Variants in ZGRF1 observed in about 807,000 individuals in gnomAD.
ZGRF1 encodes zinc finger GRF-type containing 1.
ZGRF1 carries 196 observed loss-of-function variants against 203.5 expected under a neutral mutation model. The observed-to-expected ratio is 0.96, with a 90% CI of 0.86 to 1.08. ZGRF1 has a LOEUF of 1.08. ZGRF1 is among the 50% of genes least tolerant of loss of function. The probability of loss-of-function intolerance (pLI) is 0.00; values close to 1 mark genes in which losing one functional copy is unlikely to be tolerated. For missense variants in ZGRF1, 2,326 were observed against 2,416.3 expected, an observed-to-expected ratio of 0.96 and a Z score of 0.78; for synonymous variants, 809 against 841.3, an observed-to-expected ratio of 0.96 and a Z score of 0.66.
intron 4 of ZGRF1, among the ~76,000 whole-genome samples, chr4:112,623,188 C>T (rs1307484675): frequency 2.0e-5 from 3 of 152,184 alleles, no homozygotes; most frequent in Admixed American, 2.0e-4. Context: ...AACATGATCT[C>T]ATTCTTTTTT....
intron 22 of ZGRF1, among the ~76,000 whole-genome samples, chr4:112,551,278 T>C (rs890475346): frequency 6.6e-6 from 1 of 152,208 alleles, no homozygotes; most frequent in African/African-American, 2.4e-5. Flanking sequence ...CCATCTAGGT[T>C]TGTGTAAGTA....
intron 10 of ZGRF1, among the ~76,000 whole-genome samples, chr4:112,591,922 G>A (rs1040561389): frequency 1.3e-5 from 2 of 152,048 alleles, no homozygotes; most frequent in African/African-American, 2.4e-5. Context: ...TAAGTTCTAT[G>A]AGGGAAAGAT....
intron 10 of ZGRF1, among the ~76,000 whole-genome samples, chr4:112,597,725 C>CA (rs994876803): frequency 2.8e-4 from 41 of 147,752 alleles, no homozygotes; most frequent in African/African-American, 5.7e-4. Flanking sequence ...CTAAAAATAC[C>CA]AAAAAAAAAT....
Position 112,615,577 on chromosome 4 carries a change from T to C in ZGRF1, c.2602+1863A>G, listed in dbSNP as rs542342732. Among the ~76,000 whole-genome samples the C allele has an allele frequency of 8.4e-4, 128 of 152,028 alleles. 1 individual carries two copies. Among genetic ancestry groups the C allele is most frequent in the African/African-American group, 3.0e-3 (125 of 41,464 alleles). On this transcript the variant is annotated intron_variant, in intron 6 of 27. Transcript: ENST00000505019. ...TCTCCATGCTAGAACTTTGTATTCTTATATGGTATCACATAACTTTATCTA... is the reference window on the plus strand; with the variant it reads ...TCTCCATGCTAGAACTTTGTATTCTCATATGGTATCACATAACTTTATCTA...
Position 112,603,592 on chromosome 4 carries a change from C to T in ZGRF1, c.2908G>A (p.Glu970Lys). 1 of 1,613,682 alleles carries T rather than the reference C, an allele frequency of 6.2e-7. No individual in the cohort carries two copies. Among genetic ancestry groups the T allele is most frequent in the African/African-American group, 1.3e-5 (1 of 75,040 alleles). ...LGCSQFPDSTEYENFMTETPE... is the reference protein window; with the variant it reads ...LGCSQFPDSTKYENFMTETPE... ...GTCTCTGTCATAAAGTTTTCATACT[C>T]AGTGCTATCTGGAAACTGACTGCAT... The change falls in exon 10 of 28, where the codon GAG (glutamate) becomes AAG (lysine). Residue 970 changes from glutamate (E) to lysine (K), a missense_variant. Glu to Lys is a moderately conservative substitution (Grantham distance 56). Transcript: ENST00000505019.
At chr4:112,543,227 C>A (rs2148814962) in intron 24 of ZGRF1, among the ~76,000 whole-genome samples, 1 of 152,272 alleles carries the variant, frequency 6.6e-6, no homozygotes, top group Admixed American at 6.5e-5. Flanking sequence ...GATCCCCCTT[C>A]ATTGCTTTCT....
chr4:112,584,038 A>G lies in ZGRF1; in HGVS notation c.4238T>C (p.Ile1413Thr), dbSNP rs199576455. 2.4e-5 allele frequency: 38 copies of G among 1,613,248 alleles called. No individual in the cohort carries two copies. The Middle Eastern group carries it at 4.9e-4, about 21-fold the overall frequency. ...CTTTTGACTTCTTAAATATAAGCCA[A>G]TACTCTTAATATCACTTAAAACCAT... ...PGMVLSDIKSIGLYLRSQKIP... is the reference protein window; with the variant it reads ...PGMVLSDIKSTGLYLRSQKIP... Residue 1413 changes from isoleucine (I) to threonine (T), a missense_variant, in exon 15 of 28, where the codon ATT (isoleucine) becomes ACT (threonine). Physicochemically the swap from Ile to Thr is moderately conservative, Grantham distance 89 (BLOSUM62 -1). Transcript: ENST00000505019.
Position 112,560,885 on chromosome 4 carries a change from A to C in ZGRF1, c.4808T>G (p.Leu1603Trp), listed in dbSNP as rs777943232. 1 of 1,613,746 alleles carries C rather than the reference A, an allele frequency of 6.2e-7. No individual in the cohort carries two copies. Among genetic ancestry groups the C allele is most frequent in the South Asian group, 1.1e-5 (1 of 91,076 alleles). Residue 1603 changes from leucine to tryptophan, a missense_variant, in exon 19 of 28, where the codon TTG (leucine) becomes TGG (tryptophan). By Grantham distance (61) the Leu-to-Trp change is moderately conservative. Transcript: ENST00000505019. ...CTGAATCAACTCACTAGCTAACTTC[A>C]ATGTTGCTCCTAGGCTGAGTAGTTC... is the stretch of plus-strand genomic sequence containing the variant. ...KFELLSLGAT[L>W]KLASELIQVH...
Position 112,548,293 on chromosome 4 carries a change from T to G in ZGRF1, c.5434A>C (p.Ser1812Arg). The G allele has an allele frequency of 1.3e-6, 2 of 1,552,380 alleles. No homozygotes were observed. Among genetic ancestry groups the G allele is most frequent in the Non-Finnish European group, 1.7e-6 (2 of 1,147,130 alleles). The change falls in exon 23 of 28, where the codon AGT becomes CGT. Residue 1812 changes from serine to arginine, a missense_variant. Transcript: ENST00000505019. ...KFPVVVLDEC[S>R]QITEPASLLP... ...AGAGAGGCCGGTTCAGTTATCTGACTACACTCATCCAGCACAACTACAGGA... is the reference window on the plus strand; with the variant it reads ...AGAGAGGCCGGTTCAGTTATCTGACGACACTCATCCAGCACAACTACAGGA...
chr4:112,599,474 C>A (rs986410564), intron 10 of ZGRF1, among the ~76,000 whole-genome samples: 9 of 151,706 alleles, frequency 5.9e-5, no homozygotes, highest in Admixed American at 4.6e-4. Context: ...ACAGTCCCAG[C>A]ACTTTGGAAG....
At chr4:112,572,982 T>C (rs1371975184) in intron 16 of ZGRF1, among the ~76,000 whole-genome samples, 1 of 152,160 alleles carries the variant, frequency 6.6e-6, no homozygotes, top group African/African-American at 2.4e-5. Flanking sequence ...GAAAACAGTG[T>C]GGAGATTCCT....
chr4:112,597,081 G>T (rs535444907), intron 10 of ZGRF1, among the ~76,000 whole-genome samples: 5 of 151,932 alleles, frequency 3.3e-5, no homozygotes, highest in South Asian at 4.2e-4. Flanking sequence ...AGGTGTGGTG[G>T]TGCACGCCTG....
chr4:112,597,869 G>C (rs935764653), intron 10 of ZGRF1, among the ~76,000 whole-genome samples: 8 of 146,462 alleles, frequency 5.5e-5, no homozygotes, highest in Admixed American at 1.4e-4. Flanking sequence ...GGGTGACAGA[G>C]CCAGACTGTC....
At chr4:112,632,698 C>G (rs6835715) in intron 2 of ZGRF1, among the ~76,000 whole-genome samples, 3,405 of 152,246 alleles carry the variant, frequency 0.022, 146 homozygotes, top group African/African-American at 0.078. Context: ...ACGTAAGACC[C>G]TATATACACA....
At chr4:112,567,269 A>G (rs1743288938) in intron 16 of ZGRF1, among the ~76,000 whole-genome samples, 1 of 152,074 alleles carries the variant, frequency 6.6e-6, no homozygotes, top group African/African-American at 2.4e-5. Context: ...CCCAACATAT[A>G]CTGCCAGAAA....
chr4:112,629,533 G>A (rs1465064253), intron 3 of ZGRF1, among the ~76,000 whole-genome samples: 2 of 151,240 alleles, frequency 1.3e-5, no homozygotes, highest in Non-Finnish European at 2.9e-5. Flanking sequence ...TGCCAGGTGA[G>A]GTGGTGTGTG....
intron 16 of ZGRF1, among the ~76,000 whole-genome samples, chr4:112,566,946 GA>G (rs79937698): frequency 0.015 from 2,199 of 143,484 alleles, 15 homozygotes; most frequent in Middle Eastern, 0.047. Flanking sequence ...TCCTCTGGAG[GA>G]AAAAAAAAAA....
chr4:112,620,065 C>T lies in ZGRF1; in HGVS notation c.288G>A (p.Arg96=). The T allele has an allele frequency of 1.2e-6, 2 of 1,613,040 alleles. No homozygotes were observed. Among genetic ancestry groups the T allele is most frequent in the Non-Finnish European group, 1.7e-6 (2 of 1,179,468 alleles). ...VNKEAPELNS[R]TFISSGRSLG... is the part of the protein sequence containing the mutation. ...GAGATCGGCCAGAGGATATAAATGTCCTTGAATTTAACTCTGGTGCTTCTT... is the reference window on the plus strand; with the variant it reads ...GAGATCGGCCAGAGGATATAAATGTTCTTGAATTTAACTCTGGTGCTTCTT... Residue 96 remains arginine, a synonymous_variant, in exon 5 of 28, where the codon AGG becomes AGA. Transcript: ENST00000505019.
intron 16 of ZGRF1, among the ~76,000 whole-genome samples, chr4:112,567,642 C>A: frequency 6.6e-6 from 1 of 152,102 alleles, no homozygotes; most frequent in Non-Finnish European, 1.5e-5. Context: ...TACAAGAAAA[C>A]AGGCCAGGCA....
Sources: allele counts gnomAD v4.1 joint callset (sites outside exome capture counted in the v4.1 genomes callset), GRCh38; gene constraint gnomAD v4.1.1; transcripts MANE v1.5; gene names NCBI Gene and HGNC (gene_info 2026-07-23, HGNC 2026-07-21).